NHS: variants seen among roughly 807,000 people sequenced by gnomAD.
NHS encodes the protein NHS actin remodeling regulator.
Under a neutral mutation model 72.5 loss-of-function variants are expected in NHS, and 5 were observed. The ratio of observed to expected loss-of-function variants is 0.07; its 90% confidence interval spans 0.04 to 0.14. The LOEUF (loss-of-function observed/expected upper bound fraction) is 0.14, where lower values mean the gene tolerates loss of function less well. Ranked by LOEUF, NHS falls within the 10% of genes least tolerant of loss-of-function variation. NHS has a pLI of 1.00. For synonymous variants in NHS, 464 were observed against 547.7 expected, an observed-to-expected ratio of 0.85 and a Z score of 2.13; for missense variants, 1,072 against 1,355.7, an observed-to-expected ratio of 0.79 and a Z score of 3.29.
intron 1 of NHS, among the ~76,000 whole-genome samples, chrX:17,646,891 C>T (rs1036076592): frequency 5.4e-5 from 6 of 111,985 alleles, no homozygotes; most frequent in South Asian, 3.7e-4. Flanking sequence ...CTACTCTTTA[C>T]GAAACCTTGC....
At chrX:17,493,791 A>T (rs924957145) in intron 1 of NHS, among the ~76,000 whole-genome samples, 3 of 111,934 alleles carry the variant, frequency 2.7e-5, no homozygotes, top group Admixed American at 1.9e-4. Context: ...CTGTAGTTAC[A>T]TAACAGTTTC....
chrX:17,412,362 A>G (rs961586062), intron 1 of NHS, among the ~76,000 whole-genome samples: 18 of 110,844 alleles, frequency 1.6e-4, no homozygotes, highest in African/African-American at 5.6e-4. Context: ...TGGGAGGTCG[A>G]GGCCGGCAGA....
intron 1 of NHS, among the ~76,000 whole-genome samples, chrX:17,638,950 AG>A (rs997770611): frequency 2.7e-5 from 3 of 111,872 alleles, no homozygotes; most frequent in African/African-American, 9.8e-5. Context: ...AAATACCAAC[AG>A]TGTGCCTAGG....
At chrX:17,498,205 C>A (rs1271818203) in intron 1 of NHS, among the ~76,000 whole-genome samples, 1 of 112,099 alleles carries the variant, frequency 8.9e-6, no homozygotes, top group African/African-American at 3.2e-5. Context: ...CCAAATTATT[C>A]TCCAATGTGG....
chrX:17,380,721 A>G (rs1043861547), intron 1 of NHS, among the ~76,000 whole-genome samples: 1 of 112,038 alleles, frequency 8.9e-6, no homozygotes, highest in African/African-American at 3.3e-5. Context: ...AAGGGAATAC[A>G]GTATCAAGGA....
intron 1 of NHS, among the ~76,000 whole-genome samples, chrX:17,392,297 A>G (rs2064449126): frequency 8.9e-6 from 1 of 112,138 alleles, no homozygotes; most frequent in Non-Finnish European, 1.9e-5. Context: ...CTATCTGCCA[A>G]CACTTGATTT....
chrX:17,607,866 C>G (rs1204180266), intron 1 of NHS, among the ~76,000 whole-genome samples: 1 of 109,607 alleles, frequency 9.1e-6, no homozygotes, highest in Admixed American at 9.7e-5. Flanking sequence ...GGCATCAAGA[C>G]CCCTTTTCCC....
At chrX:17,687,623 C>A (rs746181221) in intron 1 of NHS, 119 bp from the exon 2 acceptor site, 1 of 810,485 alleles carries the variant, frequency 1.2e-6, no homozygotes, top group Non-Finnish European at 1.9e-6. Flanking sequence ...AATGTGAATG[C>A]AGTAGTCTGG....
intron 1 of NHS, among the ~76,000 whole-genome samples, chrX:17,658,095 G>T (rs938593469): frequency 1.4e-4 from 16 of 112,766 alleles, no homozygotes. Flanking sequence ...GATTGCAGTG[G>T]AAGCAGGAAG....
chrX:17,417,316 C>T (rs1293743718), intron 1 of NHS, among the ~76,000 whole-genome samples: 2 of 111,936 alleles, frequency 1.8e-5, no homozygotes, highest in Non-Finnish European at 3.8e-5. Flanking sequence ...ATGTAATTTA[C>T]AAGAACATAT....
intron 1 of NHS, among the ~76,000 whole-genome samples, chrX:17,567,256 G>C (rs2065449046): frequency 8.9e-6 from 1 of 112,084 alleles, no homozygotes; most frequent in Non-Finnish European, 1.9e-5. Flanking sequence ...TACGAATGTG[G>C]CAACTGCGTT....
At chrX:17,594,846 G>A (rs905014480) in intron 1 of NHS, among the ~76,000 whole-genome samples, 1 of 112,441 alleles carries the variant, frequency 8.9e-6, no homozygotes, top group Admixed American at 9.4e-5. Context: ...AGCAGGAATT[G>A]CACCACAGAG....
intron 1 of NHS, among the ~76,000 whole-genome samples, chrX:17,618,520 T>A (rs2065757312): frequency 8.9e-6 from 1 of 112,406 alleles, no homozygotes; most frequent in African/African-American, 3.2e-5. Flanking sequence ...GTGCTGGGTT[T>A]TTTCAATGGG....
At chrX:17,721,209 C>T (rs1054989869) in intron 4 of NHS, among the ~76,000 whole-genome samples, 5 of 111,950 alleles carry the variant, frequency 4.5e-5, no homozygotes, top group Non-Finnish European at 9.4e-5. Context: ...CCTGTTAATT[C>T]CATTTAACCT....
intron 1 of NHS, among the ~76,000 whole-genome samples, chrX:17,556,267 A>C (rs759894806): frequency 8.9e-6 from 1 of 112,929 alleles, no homozygotes; most frequent in African/African-American, 3.2e-5. Context: ...TAGAAGTCTT[A>C]TCCAAGATGA....
chrX:17,700,728 G>T (rs1418535391), intron 3 of NHS, among the ~76,000 whole-genome samples: 1 of 111,260 alleles, frequency 9.0e-6, no homozygotes, highest in African/African-American at 3.3e-5. Flanking sequence ...TTTCAGCATT[G>T]CTAACAATTA....
chrX:17,443,937 G>C (rs1213675012), intron 1 of NHS, among the ~76,000 whole-genome samples: 4 of 111,861 alleles, frequency 3.6e-5, no homozygotes, highest in African/African-American at 1.3e-4. Flanking sequence ...GGCATGGCTT[G>C]TGCCTAATAT....
chrX:17,652,523 T>A (rs746602707), intron 1 of NHS, among the ~76,000 whole-genome samples: 5 of 112,071 alleles, frequency 4.5e-5, no homozygotes, highest in Non-Finnish European at 7.5e-5. Flanking sequence ...CTCACTCATA[T>A]GTGAGAGCTA....
In NHS at chrX:17,620,553, A is replaced by C. The variant is rs191179457; in HGVS notation, c.566-67189A>C. Among the ~76,000 whole-genome samples, 87 of 109,939 alleles carry C rather than the reference A, an allele frequency of 7.9e-4. No individual in the cohort carries two copies. The Middle Eastern group carries it at 0.014, about 18-fold the overall frequency. ...CAACAGTTGAGTGGTAGACAGACTG[A>C]CAATAAACAATCAAGAAAATGTCAG... On this transcript the variant is annotated intron_variant, in intron 1 of 8. Coordinates refer to ENST00000676302, the MANE Select transcript of NHS (RefSeq NM_001291867.2).
Sources: allele counts gnomAD v4.1 joint callset (sites outside exome capture counted in the v4.1 genomes callset), GRCh38; gene constraint gnomAD v4.1.1; transcripts MANE v1.5; gene names NCBI Gene and HGNC (gene_info 2026-07-23, HGNC 2026-07-21).